Variants in FNIP1 observed in about 807,000 individuals in gnomAD.
FNIP1 encodes folliculin interacting protein 1.
In FNIP1, 40 loss-of-function variants were observed where a neutral mutation model predicts 124.5. The ratio of observed to expected loss-of-function variants is 0.32; its 90% CI spans 0.25 to 0.42. FNIP1 has a LOEUF of 0.42. Among genes scored for constraint, FNIP1 ranks in the 10% least tolerant of loss-of-function variants. The probability of loss-of-function intolerance (pLI) is 1.00; values close to 1 mark genes in which losing one functional copy is unlikely to be tolerated. For synonymous variants in FNIP1, 472 were observed against 470.6 expected, an observed-to-expected ratio of 1.00 and a Z score of -0.04; for missense variants, 1,176 against 1,403.7, an observed-to-expected ratio of 0.84 and a Z score of 2.59.
At chr5:131,733,786 TTC>T (rs1170653214) in intron 2 of FNIP1, among the ~76,000 whole-genome samples, 5 of 152,212 alleles carry the variant, frequency 3.3e-5, no homozygotes, top group African/African-American at 9.7e-5. Context: ...TGGTCTACAA[TTC>T]TCTTTTTTTG....
intron 1 of FNIP1, among the ~76,000 whole-genome samples, chr5:131,749,833 G>A (rs867403955): frequency 6.6e-5 from 10 of 152,002 alleles, no homozygotes; most frequent in South Asian, 2.1e-4. Flanking sequence ...TACCCCAAGA[G>A]CAATAGGCTA....
intron 2 of FNIP1, among the ~76,000 whole-genome samples, chr5:131,737,934 C>T (rs1424858837): frequency 3.9e-5 from 6 of 152,170 alleles, no homozygotes; most frequent in African/African-American, 7.2e-5. Flanking sequence ...TCGTGCAAGA[C>T]AATTTTTCTG....
At chr5:131,678,455 T>C (rs993715246) in intron 12 of FNIP1, among the ~76,000 whole-genome samples, 3 of 152,214 alleles carry the variant, frequency 2.0e-5, no homozygotes, top group African/African-American at 7.2e-5. Context: ...TCACCCAGGC[T>C]ACAGTGCAGT....
At chr5:131,682,525 C>T (rs1768124408) in intron 11 of FNIP1, among the ~76,000 whole-genome samples, 1 of 151,852 alleles carries the variant, frequency 6.6e-6, no homozygotes, top group Non-Finnish European at 1.5e-5. Context: ...TCAAGACCAG[C>T]CTGGCCAACA....
chr5:131,742,920 C>T (rs969957629), intron 2 of FNIP1, among the ~76,000 whole-genome samples: 2 of 152,080 alleles, frequency 1.3e-5, no homozygotes, highest in African/African-American at 2.4e-5. Context: ...TAATTACAAT[C>T]GATCAAAATG....
chr5:131,723,223 T>C (rs753289336), intron 3 of FNIP1, among the ~76,000 whole-genome samples: 9 of 152,218 alleles, frequency 5.9e-5, no homozygotes, highest in African/African-American at 1.4e-4. Context: ...TGGCTAATGA[T>C]AGACATGGCA....
intron 15 of FNIP1, among the ~76,000 whole-genome samples, chr5:131,660,394 A>G (rs552576777): frequency 6.6e-6 from 1 of 152,178 alleles, no homozygotes; most frequent in Non-Finnish European, 1.5e-5. Context: ...GCATTTTGAG[A>G]TATCTTTCCA....
At chr5:131,645,093 G>T (rs1460307294) in intron 17 of FNIP1, among the ~76,000 whole-genome samples, 1 of 152,110 alleles carries the variant, frequency 6.6e-6, no homozygotes, top group African/African-American at 2.4e-5. Flanking sequence ...GCCTAGTTGG[G>T]AGGATCGCTT....
chr5:131,772,009 C>T (rs141081972), intron 1 of FNIP1, among the ~76,000 whole-genome samples: 1 of 151,948 alleles, frequency 6.6e-6, no homozygotes, highest in African/African-American at 2.4e-5. Context: ...GGTTTGTAGC[C>T]CAGGTAGGTG....
chr5:131,700,732 T>G (rs187685752), intron 10 of FNIP1, among the ~76,000 whole-genome samples: 120 of 151,418 alleles, frequency 7.9e-4, no homozygotes, highest in Admixed American at 1.6e-3. Context: ...AATCCATAGC[T>G]TTTATTTAAA....
intron 2 of FNIP1, among the ~76,000 whole-genome samples, chr5:131,741,670 A>G (rs1770516430): frequency 6.6e-6 from 1 of 152,234 alleles, no homozygotes; most frequent in Non-Finnish European, 1.5e-5. Context: ...AAGGTACTCA[A>G]AGTGAATTAT....
chr5:131,710,782 T>TTAAA (rs1769262217), intron 6 of FNIP1, 121 bp from the exon 7 acceptor site: 3 of 649,016 alleles, frequency 4.6e-6, no homozygotes, highest in Non-Finnish European at 7.7e-6. Flanking sequence ...GATGGAAACT[T>TTAAA]TTAAACTAAA....
intron 1 of FNIP1, among the ~76,000 whole-genome samples, chr5:131,758,728 G>A (rs945394731): frequency 3.9e-5 from 6 of 152,038 alleles, no homozygotes; most frequent in African/African-American, 1.4e-4. Flanking sequence ...AAACATGCTG[G>A]AATAGACACT....
intron 1 of FNIP1, among the ~76,000 whole-genome samples, chr5:131,769,205 C>T (rs1244295878): frequency 1.3e-5 from 2 of 152,080 alleles, no homozygotes; most frequent in Non-Finnish European, 2.9e-5. Flanking sequence ...ACATACTGTA[C>T]AGTATTTATG....
chr5:131,765,813 TCTA>T lies in FNIP1; in HGVS notation c.93-21126_93-21124del, dbSNP rs1771401892. On this transcript the variant is annotated intron_variant, in intron 1 of 17. Coordinates refer to ENST00000510461, the MANE Select transcript of FNIP1 (RefSeq NM_133372.3). ...CTTACTAAATACCCCACTTATCAAC[TCTA>T]CTTTTTATTAACAGCCCTATAAAAC... 4.6e-5 allele frequency among the ~76,000 whole-genome samples: 7 copies of T among 152,330 alleles called. No individual in the cohort carries two copies. In the South Asian group the frequency reaches 1.4e-3, roughly 32 times the overall value.
At chr5:131,771,184 A>C (rs1215734776) in intron 1 of FNIP1, among the ~76,000 whole-genome samples, 1 of 152,158 alleles carries the variant, frequency 6.6e-6, no homozygotes, top group Non-Finnish European at 1.5e-5. Context: ...AAAAGATGTA[A>C]CCCCAAGGAA....
intron 1 of FNIP1, among the ~76,000 whole-genome samples, chr5:131,756,793 T>C (rs1771066317): frequency 6.6e-6 from 1 of 152,102 alleles, no homozygotes; most frequent in Non-Finnish European, 1.5e-5. Context: ...GAGTACAGGA[T>C]TTGAGATATA....
intron 15 of FNIP1, among the ~76,000 whole-genome samples, chr5:131,669,989 T>A (rs1353569127): frequency 6.6e-6 from 1 of 150,514 alleles, no homozygotes; most frequent in African/African-American, 2.4e-5. Flanking sequence ...TTTAAAACTA[T>A]CTGTTCACTG....
chr5:131,785,376 G>A (rs1215591964), intron 1 of FNIP1, among the ~76,000 whole-genome samples: 2 of 151,386 alleles, frequency 1.3e-5, no homozygotes, highest in Non-Finnish European at 2.9e-5. Flanking sequence ...CCAACATGGT[G>A]AAACCCCGCC....
Sources: allele counts gnomAD v4.1 joint callset (sites outside exome capture counted in the v4.1 genomes callset), GRCh38; gene constraint gnomAD v4.1.1; transcripts MANE v1.5; gene names NCBI Gene and HGNC (gene_info 2026-07-23, HGNC 2026-07-21).